The following CCSER1 variants were observed in gnomAD, a reference collection of about 807,000 sequenced individuals.
The protein encoded by CCSER1 is serine-rich coiled-coil domain-containing protein 1.
A neutral mutation model predicts 82.0 loss-of-function variants in CCSER1; 41 were observed. That is an observed-to-expected ratio of 0.50 (90% CI 0.39 to 0.65). The LOEUF (loss-of-function observed/expected upper bound fraction) is 0.65, where lower values mean the gene tolerates loss of function less well. Ranked by LOEUF, CCSER1 falls within the 30% of genes least tolerant of loss-of-function variation. The pLI is 0.00. For missense variants in CCSER1, 1,119 were observed against 1,064.2 expected (o/e 1.05, Z -0.72); for synonymous variants, 414 against 383.9 (o/e 1.08, Z -0.92).
At chr4:91,194,310 T>C (rs1735234280) in intron 10 of CCSER1, among the ~76,000 whole-genome samples, 1 of 152,176 alleles carries the variant, frequency 6.6e-6, no homozygotes, top group African/African-American at 2.4e-5. Flanking sequence ...ACAGTACATA[T>C]TAAAATTAAC....
chr4:91,190,877 T>G (rs1420187956), intron 10 of CCSER1, among the ~76,000 whole-genome samples: 1 of 152,186 alleles, frequency 6.6e-6, no homozygotes, highest in Non-Finnish European at 1.5e-5. Context: ...AAAACTTGGT[T>G]TGAACTTAAC....
At chr4:90,469,557 A>ACG (rs1488052132) in intron 5 of CCSER1, among the ~76,000 whole-genome samples, 2 of 151,536 alleles carry the variant, frequency 1.3e-5, no homozygotes, top group Non-Finnish European at 2.9e-5. Context: ...ACACACACAC[A>ACG]CACACACACA....
chr4:91,395,612 T>C (rs1174412981), intron 10 of CCSER1, among the ~76,000 whole-genome samples: 3 of 152,018 alleles, frequency 2.0e-5, no homozygotes, highest in Non-Finnish European at 4.4e-5. Flanking sequence ...CCTAAATCAC[T>C]GAGATTAGAA....
At chr4:90,459,907 A>G (rs540288628) in intron 4 of CCSER1, among the ~76,000 whole-genome samples, 1 of 152,314 alleles carries the variant, frequency 6.6e-6, no homozygotes, top group South Asian at 2.1e-4. Flanking sequence ...TTGAGTTTTA[A>G]TAATAAGATA....
chr4:91,153,924 G>T (rs1300429955), intron 10 of CCSER1, among the ~76,000 whole-genome samples: 1 of 151,980 alleles, frequency 6.6e-6, no homozygotes, highest in African/African-American at 2.4e-5. Flanking sequence ...GCCCCTACTG[G>T]GAGGTGCCTC....
At chr4:90,753,306 A>G (rs949940574) in intron 7 of CCSER1, among the ~76,000 whole-genome samples, 3 of 152,128 alleles carry the variant, frequency 2.0e-5, no homozygotes, top group African/African-American at 7.2e-5. Context: ...CTTTAGGCAG[A>G]AACAAACAGA....
At position 91,456,728 on chromosome 4, in the gene CCSER1, A is replaced by G. The variant is rs147142900; in HGVS notation, c.2218-141844A>G. Reference sequence around the variant, plus strand: ...CATACTTTCTGTTTTTATAAATTGTAGCTCTGATATTATTTACCTTTGTTG... The same window carrying G: ...CATACTTTCTGTTTTTATAAATTGTGGCTCTGATATTATTTACCTTTGTTG... On this transcript the variant is annotated intron_variant, in intron 10 of 10. Coordinates refer to ENST00000509176, the MANE Select transcript of CCSER1 (RefSeq NM_001145065.2). 3.5e-3 allele frequency among the ~76,000 whole-genome samples: 536 copies of G among 152,240 alleles called. 10 individuals carry two copies. Among genetic ancestry groups the G allele is most frequent in the Admixed American group, 0.021 (317 of 15,266 alleles).
At chr4:91,080,342 A>G (rs893417340) in intron 9 of CCSER1, among the ~76,000 whole-genome samples, 1 of 152,240 alleles carries the variant, frequency 6.6e-6, no homozygotes, top group Non-Finnish European at 1.5e-5. Context: ...AAATGAAGGT[A>G]GAAATGAACA....
chr4:90,519,402 C>A (rs1772778418), intron 5 of CCSER1, among the ~76,000 whole-genome samples: 1 of 151,742 alleles, frequency 6.6e-6, no homozygotes, highest in Non-Finnish European at 1.5e-5. Context: ...ATTTAAGCTT[C>A]TTAAAATTTG....
chr4:90,243,082 A>T (rs72659485), intron 1 of CCSER1, among the ~76,000 whole-genome samples: 17,952 of 99,340 alleles, frequency 0.18, 1,572 homozygotes, highest in East Asian at 0.39. Context: ...TTTTTTTTTT[A>T]AAATAGGATC....
chr4:90,547,950 T>A (rs1407772629), intron 5 of CCSER1, among the ~76,000 whole-genome samples: 1 of 152,140 alleles, frequency 6.6e-6, no homozygotes, highest in African/African-American at 2.4e-5. Context: ...GCTAAACAAA[T>A]CTCCAAATAA....
intron 5 of CCSER1, among the ~76,000 whole-genome samples, chr4:90,592,384 G>T (rs1337880488): frequency 1.3e-5 from 2 of 151,830 alleles, no homozygotes; most frequent in Non-Finnish European, 2.9e-5. Flanking sequence ...CATTTTTTTT[G>T]TGTATTTTTG....
intron 10 of CCSER1, chr4:91,319,076 TA>T: frequency 3.7e-6 from 1 of 269,062 alleles, no homozygotes; most frequent in Non-Finnish European, 7.6e-6. Flanking sequence ...CAGAACTTGG[TA>T]AGGAAATTAA....
intron 9 of CCSER1, among the ~76,000 whole-genome samples, chr4:91,069,090 C>T (rs1324874932): frequency 6.6e-6 from 1 of 152,046 alleles, no homozygotes; most frequent in African/African-American, 2.4e-5. Context: ...AGAAGAATCG[C>T]TTGAAACTAG....
chr4:91,159,895 A>G (rs1449609883), intron 10 of CCSER1, among the ~76,000 whole-genome samples: 2 of 151,776 alleles, frequency 1.3e-5, no homozygotes, highest in Non-Finnish European at 2.9e-5. Context: ...GCAATAACTA[A>G]AGCTAACTTT....
At chr4:90,636,335 A>C (rs1293894322) in intron 6 of CCSER1, among the ~76,000 whole-genome samples, 1 of 151,948 alleles carries the variant, frequency 6.6e-6, no homozygotes, top group East Asian at 1.9e-4. Context: ...ATTATGTAAA[A>C]ATTTTCAGGA....
At chr4:91,393,125 G>T (rs1382525826) in intron 10 of CCSER1, among the ~76,000 whole-genome samples, 1 of 151,846 alleles carries the variant, frequency 6.6e-6, no homozygotes, top group Non-Finnish European at 1.5e-5. Flanking sequence ...GAATAGGACT[G>T]ACAGCCTTTC....
At chr4:90,207,423 T>C (rs1024138603) in intron 1 of CCSER1, among the ~76,000 whole-genome samples, 13 of 152,308 alleles carry the variant, frequency 8.5e-5, no homozygotes, top group African/African-American at 3.1e-4. Flanking sequence ...TTAGCTTCCT[T>C]GCATTGGGTT....
At chr4:90,905,767 G>C (rs1174381935) in intron 8 of CCSER1, among the ~76,000 whole-genome samples, 1 of 152,070 alleles carries the variant, frequency 6.6e-6, no homozygotes, top group African/African-American at 2.4e-5. Flanking sequence ...TCCTTTGCTC[G>C]GGGCCTGCGC....
Sources: allele counts gnomAD v4.1 joint callset (sites outside exome capture counted in the v4.1 genomes callset), GRCh38; gene constraint gnomAD v4.1.1; transcripts MANE v1.5; gene names NCBI Gene and HGNC (gene_info 2026-07-23, HGNC 2026-07-21).